Variants in GALNT13 observed in about 807,000 individuals in gnomAD.
GALNT13 encodes UDP-GalNAc:polypeptide N-acetylgalactosaminyltransferase 13.
In GALNT13, 28 loss-of-function variants were observed where a neutral mutation model predicts 64.2. The observed-to-expected ratio is 0.44, with a 90% CI of 0.32 to 0.60. The LOEUF is 0.60. Ranked by LOEUF, GALNT13 falls within the 20% of genes least tolerant of loss-of-function variation. The pLI, the probability that GALNT13 is intolerant of heterozygous loss-of-function variation, is 0.05. For synonymous variants in GALNT13, 214 were observed against 224.6 expected (o/e 0.95, Z 0.42); for missense variants, 577 against 669.8 (o/e 0.86, Z 1.53).
At chr2:154,135,563 T>G (rs1558978536) in intron 3 of GALNT13, among the ~76,000 whole-genome samples, 1 of 152,224 alleles carries the variant, frequency 6.6e-6, no homozygotes, top group Non-Finnish European at 1.5e-5. Context: ...TAAATTTAGT[T>G]GTTTAATTTA....
the GALNT13 span, chr2:153,478,331 T>A: frequency 6.2e-7 from 1 of 1,614,144 alleles, no homozygotes; most frequent in Admixed American, 1.7e-5. Flanking sequence ...ATGAGCAGAT[T>A]GCAGCCGAGG....
intron 9 of GALNT13, among the ~76,000 whole-genome samples, chr2:154,389,581 A>C (rs1009870880): frequency 6.6e-6 from 1 of 152,194 alleles, no homozygotes; most frequent in Non-Finnish European, 1.5e-5. Flanking sequence ...GAACTATTAG[A>C]CTTACTAGAC....
At chr2:154,168,422 A>G (rs142225953) in intron 4 of GALNT13, among the ~76,000 whole-genome samples, 123 of 152,270 alleles carry the variant, frequency 8.1e-4, no homozygotes, top group Admixed American at 2.6e-3. Flanking sequence ...AAAGTCTACT[A>G]ATTGACCTAA....
At chr2:153,631,081 A>G in the GALNT13 span, among the ~76,000 whole-genome samples, 1 of 151,402 alleles carries the variant, frequency 6.6e-6, no homozygotes, top group South Asian at 2.1e-4. Context: ...TCTCCTTGTG[A>G]TAGTTTGCTG....
At chr2:154,089,769 C>T (rs907935973) in intron 3 of GALNT13, among the ~76,000 whole-genome samples, 1 of 150,594 alleles carries the variant, frequency 6.6e-6, no homozygotes, top group Non-Finnish European at 1.5e-5. Flanking sequence ...ATAAATGTTT[C>T]TTCCTTTACT....
chr2:153,503,391 T>C, the GALNT13 span, among the ~76,000 whole-genome samples: 1 of 152,134 alleles, frequency 6.6e-6, no homozygotes, highest in South Asian at 2.1e-4. Context: ...TTGGCTTCAT[T>C]TCTGGGTTCT....
At chr2:154,374,030 A>G (rs1270570989) in intron 9 of GALNT13, among the ~76,000 whole-genome samples, 2 of 152,212 alleles carry the variant, frequency 1.3e-5, no homozygotes, top group East Asian at 1.9e-4. Context: ...CAACTGAGAC[A>G]GTTCACCAGT....
chr2:154,283,807 A>G (rs1692101652), intron 8 of GALNT13, among the ~76,000 whole-genome samples: 2 of 152,066 alleles, frequency 1.3e-5, no homozygotes, highest in Non-Finnish European at 2.9e-5. Context: ...AGAATTGAGA[A>G]CTCAATGGGG....
intron 3 of GALNT13, among the ~76,000 whole-genome samples, chr2:154,074,449 A>G (rs1574455566): frequency 6.6e-6 from 1 of 152,082 alleles, no homozygotes; most frequent in South Asian, 2.1e-4. Flanking sequence ...TTTTCACACA[A>G]CTTGTTGAGG....
the GALNT13 span, among the ~76,000 whole-genome samples, chr2:153,780,214 GATATATATATATATATATATATATATAT>G: frequency 3.5e-4 from 45 of 127,920 alleles, no homozygotes; most frequent in East Asian, 2.8e-3. Flanking sequence ...AGAATTTGAA[GATATATATATATATATATATATATATAT>G]ATATATATAT....
the GALNT13 span, among the ~76,000 whole-genome samples, chr2:153,232,032 C>G: frequency 5.3e-5 from 8 of 152,144 alleles, no homozygotes; most frequent in African/African-American, 1.9e-4. Context: ...TGCACTGACC[C>G]TTGTCAATGC....
intron 3 of GALNT13, among the ~76,000 whole-genome samples, chr2:154,133,440 G>A (rs1360977730): frequency 1.3e-5 from 2 of 150,024 alleles, no homozygotes; most frequent in African/African-American, 4.9e-5. Flanking sequence ...TTTTGAGCTT[G>A]TATTAACACA....
chr2:154,399,489 G>A (rs1699202185), intron 10 of GALNT13, among the ~76,000 whole-genome samples: 1 of 152,028 alleles, frequency 6.6e-6, no homozygotes, highest in Non-Finnish European at 1.5e-5. Context: ...ATCCTCACAT[G>A]GACAAAGGGG....
At chr2:153,441,347 G>A in the GALNT13 span, among the ~76,000 whole-genome samples, 1 of 152,210 alleles carries the variant, frequency 6.6e-6, no homozygotes, top group African/African-American at 2.4e-5. Context: ...GTTGGTTACT[G>A]TAGCCTTGTA....
At chr2:153,664,658 T>C in the GALNT13 span, among the ~76,000 whole-genome samples, 2 of 152,320 alleles carry the variant, frequency 1.3e-5, no homozygotes, top group African/African-American at 2.4e-5. Context: ...TGTTCAGAGA[T>C]TGCAGTAAAG....
chr2:153,494,048 C>G, the GALNT13 span, among the ~76,000 whole-genome samples: 1 of 151,238 alleles, frequency 6.6e-6, no homozygotes, highest in African/African-American at 2.4e-5. Context: ...ATAACAGCAA[C>G]AAATAACATT....
the GALNT13 span, among the ~76,000 whole-genome samples, chr2:153,354,666 C>A: frequency 6.6e-6 from 1 of 152,154 alleles, no homozygotes; most frequent in Non-Finnish European, 1.5e-5. Context: ...AGCTTGTTTA[C>A]CATCTCCCTG....
chr2:153,128,113 G>C, the GALNT13 span, among the ~76,000 whole-genome samples: 1 of 152,172 alleles, frequency 6.6e-6, no homozygotes, highest in African/African-American at 2.4e-5. Context: ...GATCTCTACT[G>C]CTGCATTTCA....
At chr2:153,617,129 C>T in the GALNT13 span, among the ~76,000 whole-genome samples, 8 of 152,036 alleles carry the variant, frequency 5.3e-5, no homozygotes, top group South Asian at 2.1e-4. Context: ...CAGTGGACAA[C>T]GTTGTCATGT....
Sources: allele counts gnomAD v4.1 joint callset (sites outside exome capture counted in the v4.1 genomes callset), GRCh38; gene constraint gnomAD v4.1.1; transcripts MANE v1.5; gene names NCBI Gene and HGNC (gene_info 2026-07-23, HGNC 2026-07-21).